Variants in NDUFA5 observed in about 807,000 individuals in gnomAD.
NDUFA5 encodes NADH dehydrogenase [ubiquinone] 1 alpha subcomplex subunit 5.
Under a neutral mutation model 19.8 loss-of-function variants are expected in NDUFA5, and 11 were observed. That is an observed-to-expected ratio of 0.56 (90% CI 0.35 to 0.92). NDUFA5 has a LOEUF of 0.92. NDUFA5 is among the 40% of genes least tolerant of loss of function. The pLI, the probability that NDUFA5 is intolerant of heterozygous loss-of-function variation, is 0.01. For missense variants in NDUFA5, 109 were observed against 134.2 expected (o/e 0.81, Z 0.93); for synonymous variants, 47 against 46.8 (o/e 1.00, Z -0.01).
the NDUFA5 span, among the ~76,000 whole-genome samples, chr7:123,588,707 C>G: frequency 1.3e-5 from 2 of 150,994 alleles, no homozygotes; most frequent in African/African-American, 4.9e-5. Flanking sequence ...TAGGTGTTTA[C>G]TGCTATGCTC....
the NDUFA5 span, among the ~76,000 whole-genome samples, chr7:123,595,164 G>A: frequency 6.6e-6 from 1 of 152,296 alleles, no homozygotes; most frequent in Admixed American, 6.5e-5. Context: ...TGCCCTAAAT[G>A]ACACTGATCA....
the NDUFA5 span, among the ~76,000 whole-genome samples, chr7:123,592,449 G>A: frequency 1.3e-5 from 2 of 152,128 alleles, no homozygotes; most frequent in Non-Finnish European, 2.9e-5. Context: ...TCCACACACT[G>A]CTTTAAATGT....
upstream of NDUFA5, among the ~76,000 whole-genome samples, chr7:123,558,866 T>C (rs1191043998): frequency 6.6e-6 from 1 of 152,180 alleles, no homozygotes; most frequent in Non-Finnish European, 1.5e-5. Flanking sequence ...ACAAACAACT[T>C]AGGCAACAGT....
chr7:123,597,195 G>T, the NDUFA5 span, among the ~76,000 whole-genome samples: 3 of 152,076 alleles, frequency 2.0e-5, no homozygotes, highest in Non-Finnish European at 4.4e-5. Context: ...GCTCTGTTCT[G>T]CTTAGAACAT....
the NDUFA5 span, among the ~76,000 whole-genome samples, chr7:123,581,950 G>C: frequency 3.5e-4 from 53 of 152,104 alleles, no homozygotes; most frequent in African/African-American, 1.3e-3. Flanking sequence ...AAACTGTAAA[G>C]AGCTTTTTAC....
the NDUFA5 span, among the ~76,000 whole-genome samples, chr7:123,564,891 G>GAA: frequency 1.4e-5 from 1 of 70,258 alleles, no homozygotes; most frequent in Non-Finnish European, 2.8e-5. Flanking sequence ...AGAAGCATCT[G>GAA]GACACACACA....
In NDUFA5 at chr7:123,537,736, G is replaced by C. The variant is rs1234476548; in HGVS notation, c.*4383C>G. On this transcript the variant is annotated 3_prime_UTR_variant, in exon 5 of 5. Transcript: ENST00000355749. The stretch of plus-strand genomic sequence containing the variant: ...TGTTTTCAGAGATTTTTGAAATTAG[G>C]AATTTAGATAAGGGACTTTGGACCT... The C allele has an allele frequency of 6.6e-6, 1 of 151,798 alleles. No individual in the cohort carries two copies. Among genetic ancestry groups the C allele is most frequent in the Non-Finnish European group, 1.5e-5 (1 of 67,962 alleles). 9.4% of individuals were successfully genotyped at this position (151,798 alleles called of 1,614,324 possible).
chr7:123,588,951 T>C, the NDUFA5 span, among the ~76,000 whole-genome samples: 1 of 151,906 alleles, frequency 6.6e-6, no homozygotes, highest in Non-Finnish European at 1.5e-5. Flanking sequence ...GAATTCAATC[T>C]AGTTAAATTT....
intron 3 of NDUFA5, 36 bp from the exon 4 acceptor site, chr7:123,545,712 T>TTC: frequency 2.1e-6 from 3 of 1,420,630 alleles, no homozygotes; most frequent in Non-Finnish European, 3.0e-6. Flanking sequence ...TAAAGAAGCA[T>TTC]ACTAACTGAA....
chr7:123,599,607 A>T, the NDUFA5 span, among the ~76,000 whole-genome samples: 1 of 152,160 alleles, frequency 6.6e-6, no homozygotes, highest in Non-Finnish European at 1.5e-5. Context: ...GAAATTCACA[A>T]ACAATGCTAC....
chr7:123,545,573 A>C (rs1240756866), intron 4 of NDUFA5, 38 bp downstream of exon 4: 1 of 1,538,320 alleles, frequency 6.5e-7, no homozygotes, highest in African/African-American at 1.4e-5. Context: ...GTGTGTCTCT[A>C]TGAAACCAAA....
At chr7:123,545,830 A>C (rs981235390) in intron 3 of NDUFA5, 154 bp from the exon 4 acceptor site, 2 of 558,984 alleles carry the variant, frequency 3.6e-6, no homozygotes, top group Non-Finnish European at 6.2e-6. Context: ...AATTCATTTC[A>C]CCTCTGCTAT....
At chr7:123,550,313 T>C (rs1397255229) in intron 3 of NDUFA5, 157 bp downstream of exon 3, 5 of 585,902 alleles carry the variant, frequency 8.5e-6, no homozygotes, top group African/African-American at 3.8e-5. Context: ...AAACACTCAA[T>C]AAACAAGAGT....
chr7:123,558,621 G>A (rs988660985), upstream of NDUFA5, among the ~76,000 whole-genome samples: 10 of 152,080 alleles, frequency 6.6e-5, no homozygotes, highest in African/African-American at 2.4e-4. Context: ...TAGGAGAAAA[G>A]AACAAATTGA....
chr7:123,580,967 T>C, the NDUFA5 span, among the ~76,000 whole-genome samples: 2 of 151,768 alleles, frequency 1.3e-5, no homozygotes, highest in Admixed American at 6.6e-5. Context: ...GAGTTCAAAA[T>C]ACAGAACAGG....
chr7:123,574,464 C>T, the NDUFA5 span, among the ~76,000 whole-genome samples: 4 of 152,254 alleles, frequency 2.6e-5, no homozygotes, highest in African/African-American at 9.6e-5. Context: ...AGGGATAGGA[C>T]CTGAATATGA....
At chr7:123,596,945 A>C in the NDUFA5 span, among the ~76,000 whole-genome samples, 1 of 152,202 alleles carries the variant, frequency 6.6e-6, no homozygotes, top group Admixed American at 6.5e-5. Flanking sequence ...GGTTTATATT[A>C]AATAAGGTAC....
At chr7:123,555,584 T>G (rs1165259776) in intron 2 of NDUFA5, 1 of 152,038 alleles carries the variant, frequency 6.6e-6, no homozygotes, top group African/African-American at 2.4e-5. Flanking sequence ...AAGAAATATA[T>G]TTAGAAGGGA....
upstream of NDUFA5, among the ~76,000 whole-genome samples, chr7:123,559,944 G>A (rs1481647633): frequency 1.4e-5 from 2 of 145,672 alleles, no homozygotes; most frequent in African/African-American, 2.5e-5. Flanking sequence ...ACTCAGAAAA[G>A]TACTAGCAAA....
Sources: allele counts gnomAD v4.1 joint callset (sites outside exome capture counted in the v4.1 genomes callset), GRCh38; gene constraint gnomAD v4.1.1; transcripts MANE v1.5; gene names NCBI Gene and HGNC (gene_info 2026-07-23, HGNC 2026-07-21).